The following ATF6 variants were observed in gnomAD, a reference collection of about 807,000 sequenced individuals.
ATF6 encodes the protein cyclic AMP-dependent transcription factor ATF-6 alpha.
Under a neutral mutation model 83.6 loss-of-function variants are expected in ATF6, and 53 were observed. The observed-to-expected ratio is 0.63, with a 90% CI of 0.51 to 0.80. ATF6 has a LOEUF of 0.80. Among genes scored for constraint, ATF6 ranks in the 30% least tolerant of loss-of-function variants. The pLI, the probability that ATF6 is intolerant of heterozygous loss-of-function variation, is 0.00. For missense variants in ATF6, 744 were observed against 797.9 expected (o/e 0.93, Z 0.81); for synonymous variants, 288 against 285.8 (o/e 1.01, Z -0.08).
intron 14 of ATF6, among the ~76,000 whole-genome samples, chr1:161,911,243 A>G (rs570780862): frequency 1.3e-5 from 2 of 152,330 alleles, no homozygotes; most frequent in South Asian, 4.1e-4. Context: ...TTTTATCTCC[A>G]GTTTAACCAT....
intron 9 of ATF6, among the ~76,000 whole-genome samples, chr1:161,832,706 G>A (rs1406043366): frequency 1.3e-5 from 2 of 152,224 alleles, no homozygotes; most frequent in Admixed American, 6.5e-5. Flanking sequence ...CGAGGCTGGG[G>A]GAGGGGCACC....
chr1:161,877,833 T>A (rs991974438), intron 14 of ATF6, among the ~76,000 whole-genome samples: 2 of 152,138 alleles, frequency 1.3e-5, no homozygotes, highest in African/African-American at 4.8e-5. Context: ...AAATACATTT[T>A]GTGGATAGAT....
intron 3 of ATF6, 57 bp downstream of exon 3, chr1:161,782,056 T>G: frequency 7.8e-7 from 1 of 1,277,070 alleles, no homozygotes; most frequent in Non-Finnish European, 1.1e-6. Context: ...TTTTGTAGTT[T>G]GGTCATACTC....
intron 9 of ATF6, among the ~76,000 whole-genome samples, chr1:161,824,421 T>A (rs981867909): frequency 6.6e-6 from 1 of 151,488 alleles, no homozygotes; most frequent in Non-Finnish European, 1.5e-5. Flanking sequence ...GCCACCCCTG[T>A]GAGGCTTTCC....
At chr1:161,894,702 A>ATTTTTTTTTTTTTTTTTTT (rs59848309) in intron 14 of ATF6, among the ~76,000 whole-genome samples, 2 of 109,168 alleles carry the variant, frequency 1.8e-5, no homozygotes, top group African/African-American at 4.1e-5. Context: ...AGCCGGGCTA[A>ATTTTTTTTTTTTTTTTTTT]TTTTTTTTTT....
At chr1:161,937,866 G>C (rs1688569671) in intron 15 of ATF6, among the ~76,000 whole-genome samples, 1 of 145,120 alleles carries the variant, frequency 6.9e-6, no homozygotes, top group Non-Finnish European at 1.5e-5. Flanking sequence ...TTCTGCACAT[G>C]TATCCCAGAA....
intron 7 of ATF6, among the ~76,000 whole-genome samples, chr1:161,812,283 C>T (rs1185983819): frequency 4.5e-5 from 4 of 87,984 alleles, no homozygotes; most frequent in Non-Finnish European, 8.6e-5. Flanking sequence ...AATAACATTT[C>T]ATGCTTTGTG....
intron 14 of ATF6, among the ~76,000 whole-genome samples, chr1:161,883,437 C>G (rs1390396431): frequency 6.6e-6 from 1 of 151,960 alleles, no homozygotes; most frequent in Non-Finnish European, 1.5e-5. Flanking sequence ...AGTCAGAAAA[C>G]TGAGTAACAG....
intron 14 of ATF6, among the ~76,000 whole-genome samples, chr1:161,902,809 A>G (rs1188183277): frequency 6.6e-6 from 1 of 152,216 alleles, no homozygotes; most frequent in Non-Finnish European, 1.5e-5. Flanking sequence ...AATAGGTGTT[A>G]GAGAGAAAAG....
chr1:161,783,911 G>T lies in ATF6; in HGVS notation c.248-79G>T. On this transcript the variant is annotated intron_variant, in intron 3 of 15. Transcript: ENST00000367942. ...CATATCTGATTGAATTTTAAAAGTAGATTTTACCTTCTTTCTTGTTCATTT... is the reference window on the plus strand; with the variant it reads ...CATATCTGATTGAATTTTAAAAGTATATTTTACCTTCTTTCTTGTTCATTT... 5 of 1,046,060 alleles carry T rather than the reference G, an allele frequency of 4.8e-6. No individual in the cohort carries two copies. The South Asian group carries it at 7.0e-5, about 15-fold the overall frequency. The allele number at this position is 1,046,060 out of a possible 1,614,324, so 64.8% of individuals were successfully genotyped here.
chr1:161,836,624 C>T (rs1686224040), intron 9 of ATF6, among the ~76,000 whole-genome samples: 2 of 152,164 alleles, frequency 1.3e-5, no homozygotes, highest in Admixed American at 1.3e-4. Context: ...TAGATTTCAT[C>T]CTTTGTTGAA....
chr1:161,907,401 C>T (rs1430670071), intron 14 of ATF6, among the ~76,000 whole-genome samples: 1 of 152,138 alleles, frequency 6.6e-6, no homozygotes, highest in Admixed American at 6.5e-5. Context: ...AAACCAAACC[C>T]ATCTCTGGAA....
At chr1:161,782,353 T>C (rs1199215520) in intron 3 of ATF6, among the ~76,000 whole-genome samples, 2 of 152,190 alleles carry the variant, frequency 1.3e-5, no homozygotes, top group East Asian at 1.9e-4. Context: ...AGGAACTTGG[T>C]GGAGGAGTCC....
chr1:161,876,860 A>G (rs1687226089), intron 14 of ATF6, among the ~76,000 whole-genome samples: 1 of 152,026 alleles, frequency 6.6e-6, no homozygotes, highest in Non-Finnish European at 1.5e-5. Context: ...AAGTTTTCTA[A>G]TCTCCTGTCT....
At chr1:161,773,113 C>T (rs1489640038) in intron 1 of ATF6, among the ~76,000 whole-genome samples, 4 of 151,522 alleles carry the variant, frequency 2.6e-5, no homozygotes, top group Non-Finnish European at 5.9e-5. Flanking sequence ...TTACAGGCGC[C>T]TGCCACCATG....
intron 14 of ATF6, among the ~76,000 whole-genome samples, chr1:161,893,946 G>A (rs1047985610): frequency 6.6e-6 from 1 of 152,082 alleles, no homozygotes; most frequent in Non-Finnish European, 1.5e-5. Context: ...TATGTCCTTT[G>A]TAGTTAAAGA....
intron 7 of ATF6, among the ~76,000 whole-genome samples, chr1:161,810,651 A>G (rs767715246): frequency 2.0e-5 from 3 of 151,944 alleles, no homozygotes; most frequent in Non-Finnish European, 4.4e-5. Context: ...TGCACATTAC[A>G]TAAGGATCAC....
chr1:161,771,041 G>C (rs1684377348), intron 1 of ATF6, among the ~76,000 whole-genome samples: 1 of 152,180 alleles, frequency 6.6e-6, no homozygotes, highest in Admixed American at 6.5e-5. Context: ...TAGGTGTGTA[G>C]TGGTATGTTT....
At chr1:161,798,760 AAAC>A (rs916370524) in intron 6 of ATF6, among the ~76,000 whole-genome samples, 1 of 152,232 alleles carries the variant, frequency 6.6e-6, no homozygotes, top group Non-Finnish European at 1.5e-5. Context: ...AACAAGCAAA[AAAC>A]AACCCCATTA....
Sources: allele counts gnomAD v4.1 joint callset (sites outside exome capture counted in the v4.1 genomes callset), GRCh38; gene constraint gnomAD v4.1.1; transcripts MANE v1.5; gene names NCBI Gene and HGNC (gene_info 2026-07-23, HGNC 2026-07-21).